The following TMEM117 variants were observed in gnomAD, a reference collection of about 807,000 sequenced individuals.
TMEM117 encodes transmembrane protein 117.
In TMEM117, 27 loss-of-function variants were observed where a neutral mutation model predicts 52.4. The ratio of observed to expected loss-of-function variants is 0.51; its 90% confidence interval spans 0.38 to 0.71. The LOEUF (loss-of-function observed/expected upper bound fraction) is 0.71, where lower values mean the gene tolerates loss of function less well. Among genes scored for constraint, TMEM117 ranks in the 30% least tolerant of loss-of-function variants. The probability of loss-of-function intolerance (pLI) is 0.00; values close to 1 mark genes in which losing one functional copy is unlikely to be tolerated. For missense variants in TMEM117, 556 were observed against 630.5 expected (o/e 0.88, Z 1.26); for synonymous variants, 215 against 206.3 (o/e 1.04, Z -0.36).
At chr12:44,357,916 C>T (rs575127385) in intron 6 of TMEM117, among the ~76,000 whole-genome samples, 1 of 152,252 alleles carries the variant, frequency 6.6e-6, no homozygotes, top group East Asian at 1.9e-4. Context: ...GACATGGAAT[C>T]AACCTAGGTG....
chr12:44,302,090 C>T (rs1950847772), intron 6 of TMEM117, among the ~76,000 whole-genome samples: 1 of 152,274 alleles, frequency 6.6e-6, no homozygotes, highest in East Asian at 1.9e-4. Context: ...TTTCTCGTTT[C>T]CTTGCCACCA....
At chr12:43,896,866 TG>T (rs1944213497) in intron 2 of TMEM117, among the ~76,000 whole-genome samples, 1 of 152,202 alleles carries the variant, frequency 6.6e-6, no homozygotes, top group Non-Finnish European at 1.5e-5. Context: ...CAGTTTATGG[TG>T]GGTGTTTGCC....
At chr12:44,275,781 G>A (rs1232238912) in intron 5 of TMEM117, among the ~76,000 whole-genome samples, 2 of 151,900 alleles carry the variant, frequency 1.3e-5, no homozygotes, top group African/African-American at 2.4e-5. Flanking sequence ...AGAGTAGAAG[G>A]ATGGTTACCA....
intron 6 of TMEM117, among the ~76,000 whole-genome samples, chr12:44,308,779 C>A (rs891911814): frequency 9.9e-5 from 15 of 152,228 alleles, no homozygotes; most frequent in African/African-American, 3.4e-4. Context: ...GCCACCGCGC[C>A]CGGCTAATTT....
chr12:43,941,025 T>A (rs1945036217), intron 2 of TMEM117, among the ~76,000 whole-genome samples: 1 of 152,148 alleles, frequency 6.6e-6, no homozygotes, highest in South Asian at 2.1e-4. Context: ...CTCCTTCACA[T>A]ATACAGGTTT....
At chr12:43,993,590 G>A (rs146154739) in intron 3 of TMEM117, among the ~76,000 whole-genome samples, 1 of 152,114 alleles carries the variant, frequency 6.6e-6, no homozygotes, top group Non-Finnish European at 1.5e-5. Flanking sequence ...GGAGAAAATG[G>A]GAGGGAGGTG....
At chr12:44,327,682 T>G (rs1951214576) in intron 6 of TMEM117, among the ~76,000 whole-genome samples, 1 of 152,230 alleles carries the variant, frequency 6.6e-6, no homozygotes, top group African/African-American at 2.4e-5. Flanking sequence ...CATGACTTTT[T>G]TTTTCTTATT....
intron 2 of TMEM117, among the ~76,000 whole-genome samples, chr12:43,919,072 C>T (rs538115131): frequency 1.3e-5 from 2 of 152,146 alleles, no homozygotes; most frequent in South Asian, 4.2e-4. Context: ...TCCAGCCCTG[C>T]ATTCTTTCTT....
chr12:44,376,725 G>A lies in TMEM117; in HGVS notation c.898+1G>A. The A allele has an allele frequency of 6.3e-7, 1 of 1,597,554 alleles. No homozygotes were observed. On this transcript the variant is annotated splice_donor_variant, in intron 7 of 7. Coordinates refer to ENST00000266534, the MANE Select transcript of TMEM117 (RefSeq NM_032256.3). LOFTEE classifies it high-confidence loss of function. ...GAGGAATATCGTATTCACATAACAG[G>A]TGTGTTATATCTTTGAACACAATTT...
intron 3 of TMEM117, among the ~76,000 whole-genome samples, chr12:44,055,707 GAACAGTATCTTA>G (rs2137938706): frequency 6.6e-6 from 1 of 152,198 alleles, no homozygotes; most frequent in South Asian, 2.1e-4. Context: ...AAAGTGCTTA[GAACAGTATCTTA>G]AACATATTGA....
At chr12:44,233,756 C>T (rs1355440848) in intron 5 of TMEM117, among the ~76,000 whole-genome samples, 1 of 151,282 alleles carries the variant, frequency 6.6e-6, no homozygotes, top group Non-Finnish European at 1.5e-5. Flanking sequence ...AATTTTATCA[C>T]ATTAGTGTCT....
At chr12:43,827,486 A>T in the TMEM117 span, among the ~76,000 whole-genome samples, 1 of 152,342 alleles carries the variant, frequency 6.6e-6, no homozygotes, top group South Asian at 2.1e-4. Context: ...TAGAAGCAAA[A>T]TAAAAACCCA....
At chr12:43,836,554 C>A (rs999497874) in intron 1 of TMEM117, among the ~76,000 whole-genome samples, 6 of 152,102 alleles carry the variant, frequency 3.9e-5, no homozygotes, top group Non-Finnish European at 5.9e-5. Flanking sequence ...CTTGAACTTT[C>A]CTTGCTTCAG....
chr12:43,799,801 T>A, the TMEM117 span, among the ~76,000 whole-genome samples: 3 of 152,126 alleles, frequency 2.0e-5, no homozygotes, highest in Non-Finnish European at 1.5e-5. Flanking sequence ...ATAGGACAAC[T>A]GTAATTAACC....
chr12:44,222,679 T>C (rs1328139452), intron 5 of TMEM117, among the ~76,000 whole-genome samples: 1 of 152,184 alleles, frequency 6.6e-6, no homozygotes, highest in Admixed American at 6.5e-5. Flanking sequence ...GGCAGGAGTT[T>C]CTTTTACATT....
chr12:43,941,732 C>T (rs1321988980), intron 2 of TMEM117, among the ~76,000 whole-genome samples: 1 of 152,194 alleles, frequency 6.6e-6, no homozygotes, highest in African/African-American at 2.4e-5. Context: ...TTATTGTTCT[C>T]TTCAAATGAA....
chr12:44,398,708 T>C, the TMEM117 span, among the ~76,000 whole-genome samples: 3 of 152,334 alleles, frequency 2.0e-5, no homozygotes, highest in East Asian at 5.8e-4. Flanking sequence ...ACTCAGTGAT[T>C]GAACAAAGCC....
At chr12:44,225,844 G>C (rs937460104) in intron 5 of TMEM117, among the ~76,000 whole-genome samples, 8 of 152,094 alleles carry the variant, frequency 5.3e-5, no homozygotes, top group African/African-American at 1.9e-4. Flanking sequence ...ACTGGACTGG[G>C]TTTGGAGAAG....
intron 4 of TMEM117, among the ~76,000 whole-genome samples, chr12:44,146,186 C>G (rs1264080162): frequency 6.6e-6 from 1 of 152,186 alleles, no homozygotes; most frequent in Non-Finnish European, 1.5e-5. Flanking sequence ...TTTCATCTGG[C>G]TAAGGGGAGT....
Sources: allele counts gnomAD v4.1 joint callset (sites outside exome capture counted in the v4.1 genomes callset), GRCh38; gene constraint gnomAD v4.1.1; transcripts MANE v1.5; gene names NCBI Gene and HGNC (gene_info 2026-07-23, HGNC 2026-07-21).